Variants in IGSF3 observed in about 807,000 individuals in gnomAD.
IGSF3 encodes glu-Trp-Ile EWI motif-containing protein 3.
A neutral mutation model predicts 114.4 loss-of-function variants in IGSF3; 23 were observed. That is an observed-to-expected ratio of 0.20 (90% CI 0.14 to 0.28). The LOEUF is 0.28. IGSF3 is among the 10% of genes least tolerant of loss of function. The pLI, the probability that IGSF3 is intolerant of heterozygous loss-of-function variation, is 1.00. For synonymous variants in IGSF3, 571 were observed against 645.2 expected (o/e 0.88, Z 1.74); for missense variants, 1,172 against 1,591.5 (o/e 0.74, Z 4.48).
chr1:116,629,279 GTAAAGA>G lies in IGSF3; in HGVS notation c.44-12828_44-12823del. ...TATAAAAGGATTTGAAAGTATTTTC[GTAAAGA>G]TAAACACCCACACACCTCTATATAT... On this transcript the variant is annotated intron_variant, in intron 2 of 10. Transcript: ENST00000369486. This position sits in a 1 kb window ranked among gnomAD's most constrained non-coding sequence, Gnocchi z 4.3. 6.6e-6 allele frequency among the ~76,000 whole-genome samples: 1 copy of G among 152,294 alleles called. No individual in the cohort carries two copies. The highest frequency in any genetic ancestry group is 3.4e-3 in the Middle Eastern group (1 of 294).
In IGSF3 at chr1:116,610,130, T is replaced by C. The variant is rs926074819; in HGVS notation, c.833-1799A>G. On this transcript the variant is annotated intron_variant, in intron 4 of 10. Coordinates refer to ENST00000369486, the MANE Select transcript of IGSF3 (RefSeq NM_001007237.3). This position sits in a 1 kb window ranked among gnomAD's most constrained non-coding sequence, Gnocchi z 4.3. ...TTCACTCTGCCACCATCTGCCTGGA[T>C]GAACACACCCATATGGGACAGTCCC... 6.6e-6 allele frequency among the ~76,000 whole-genome samples: 1 copy of C among 152,232 alleles called. No individual in the cohort carries two copies. The highest frequency in any genetic ancestry group is 6.5e-5 in the Admixed American group (1 of 15,292).
rs369465102 is a variant in IGSF3, at chr1:116,603,837, G to A, written c.1411C>T (p.Pro471Ser). Residue 471 changes from proline to serine, a missense_variant, in exon 6 of 11, where the codon CCA becomes TCA. By Grantham distance (74) the Pro-to-Ser change is moderately conservative. Transcript: ENST00000369486. The surrounding 1 kb of genome is among the most constrained non-coding windows in gnomAD (Gnocchi z 7.1). ...MWLDRDGTVQPGSSYWERSSF... is the reference protein window; with the variant it reads ...MWLDRDGTVQSGSSYWERSSF... ...CTGCGCTCCCAGTAGGACGAGCCTG[G>A]CTGCACGGTGCCATCCCGGTCTAGC... is the stretch of plus-strand genomic sequence containing the variant. 117 of 1,613,914 alleles carry A rather than the reference G, an allele frequency of 7.2e-5. No homozygotes were observed. The highest frequency in any genetic ancestry group is 9.1e-5 in the Non-Finnish European group (107 of 1,179,894).
rs1037973143 is a variant in IGSF3 at position 116,584,461 on chromosome 1, G to A, written c.2848+184C>T. ...ATCACCTTAGGCCAAAGCCAGACGTGCAATTTTCCATTCACAAGAAAAAAA... is the reference window on the plus strand; with the variant it reads ...ATCACCTTAGGCCAAAGCCAGACGTACAATTTTCCATTCACAAGAAAAAAA... On this transcript the variant is annotated intron_variant, in intron 9 of 10. Coordinates refer to ENST00000369486, the MANE Select transcript of IGSF3 (RefSeq NM_001007237.3). This position sits in a 1 kb window ranked among gnomAD's most constrained non-coding sequence, Gnocchi z 5.8. The A allele has an allele frequency of 3.3e-5, 20 of 610,490 alleles. No individual in the cohort carries two copies. Among genetic ancestry groups the A allele is most frequent in the Non-Finnish European group, 5.7e-5 (20 of 348,854 alleles). 37.8% of individuals were successfully genotyped at this position (610,490 alleles called of 1,614,324 possible). A position where few individuals can be genotyped will look rare whatever the true frequency, so the allele number is the denominator to read the frequency against.
chr1:116,597,207 C>T (rs865834523), intron 7 of IGSF3, among the ~76,000 whole-genome samples: 1 of 152,276 alleles, frequency 6.6e-6, no homozygotes, highest in Middle Eastern at 3.4e-3. Flanking sequence ...AATGGGAAAG[C>T]AATATGTTCC....
At chr1:116,641,854 T>A (rs1185694586) in intron 2 of IGSF3, among the ~76,000 whole-genome samples, 2 of 139,534 alleles carry the variant, frequency 1.4e-5, no homozygotes, top group Non-Finnish European at 3.0e-5. Context: ...ATTTCTTTCT[T>A]TTTTTTTTTT....
rs1336323785 is a variant in IGSF3, at chr1:116,665,047, A to T, written c.43+1237T>A. Among the ~76,000 whole-genome samples, 1 of 152,230 alleles carries T rather than the reference A, an allele frequency of 6.6e-6. No homozygotes were observed. The highest frequency in any genetic ancestry group is 1.5e-5 in the Non-Finnish European group (1 of 68,042). On this transcript the variant is annotated intron_variant, in intron 2 of 10. Coordinates refer to ENST00000369486, the MANE Select transcript of IGSF3 (RefSeq NM_001007237.3). This position sits in a 1 kb window ranked among gnomAD's most constrained non-coding sequence, Gnocchi z 4.0. ...CTATTATGAGTTTCAGACATTATTT[A>T]AGGCAGTCAAGGCATTTAGGACACC...
At chr1:116,601,207 G>A (rs867655942) in intron 6 of IGSF3, among the ~76,000 whole-genome samples, 5 of 152,196 alleles carry the variant, frequency 3.3e-5, no homozygotes, top group Non-Finnish European at 5.9e-5. Context: ...TCTTCCTGCA[G>A]ATGTAGAAAC....
intron 9 of IGSF3, among the ~76,000 whole-genome samples, chr1:116,581,915 C>T (rs993702180): frequency 1.4e-4 from 21 of 152,152 alleles, no homozygotes; most frequent in Admixed American, 1.0e-3. Context: ...AGTATCCCCA[C>T]GCTCCTGGTG....
chr1:116,654,848 T>C lies in IGSF3; in HGVS notation c.43+11436A>G, dbSNP rs1648781843. 6.6e-6 allele frequency among the ~76,000 whole-genome samples: 1 copy of C among 152,104 alleles called. No individual in the cohort carries two copies. The highest frequency in any genetic ancestry group is 6.6e-5 in the Admixed American group (1 of 15,262). ...TTTGTGTATTTTCAAGAATAAAAGT[T>C]TGCCCTTTAGCCTCCTCAGAGCCCC... On this transcript the variant is annotated intron_variant, in intron 2 of 10. Transcript: ENST00000369486. This position sits in a 1 kb window ranked among gnomAD's most constrained non-coding sequence, Gnocchi z 4.4.
chr1:116,577,992 C>T lies in IGSF3; in HGVS notation c.3335-430G>A, dbSNP rs1017924590. The stretch of plus-strand genomic sequence containing the variant: ...TCTGGGATTATGACACAATCCCTTC[C>T]TGCCAGCTTCTGAGAGCAGTTTTAC... On this transcript the variant is annotated intron_variant, in intron 10 of 10. Coordinates refer to ENST00000369486, the MANE Select transcript of IGSF3 (RefSeq NM_001007237.3). The surrounding 1 kb of genome is among the most constrained non-coding windows in gnomAD (Gnocchi z 5.7). 1.3e-5 allele frequency among the ~76,000 whole-genome samples: 2 copies of T among 152,180 alleles called. No homozygotes were observed. The highest frequency in any genetic ancestry group is 6.5e-5 in the Admixed American group (1 of 15,288).
In IGSF3 at chr1:116,647,720, G is replaced by A. The variant is rs1351280115; in HGVS notation, c.43+18564C>T. 4.6e-5 allele frequency among the ~76,000 whole-genome samples: 7 copies of A among 152,198 alleles called. No homozygotes were observed. The highest frequency in any genetic ancestry group is 1.2e-4 in the African/African-American group (5 of 41,430). ...GATGACCGGAACAAGACAAACAAAC[G>A]AAAGGCCGACTGACAGACCACTCGG... On this transcript the variant is annotated intron_variant, in intron 2 of 10. Transcript: ENST00000369486. This position sits in a 1 kb window ranked among gnomAD's most constrained non-coding sequence, Gnocchi z 4.6.
intron 2 of IGSF3, among the ~76,000 whole-genome samples, chr1:116,640,832 C>T (rs34640603): frequency 0.12 from 18,495 of 152,200 alleles, 1,179 homozygotes; most frequent in Middle Eastern, 0.14. Flanking sequence ...TTTACATTGC[C>T]AAGATCAATG....
In IGSF3 at chr1:116,580,531, TAAG is replaced by T. The variant is rs571229739; in HGVS notation, c.2849-657_2849-655del. On this transcript the variant is annotated intron_variant, in intron 9 of 10. Coordinates refer to ENST00000369486, the MANE Select transcript of IGSF3 (RefSeq NM_001007237.3). ...CTAATCCAGTAAGATTGGTGTCTTA[TAAG>T]AAGAAGAAGAGAGATCTCTCTCCAG... is the stretch of plus-strand genomic sequence containing the variant. Among the ~76,000 whole-genome samples, 23 of 152,294 alleles carry T rather than the reference TAAG, an allele frequency of 1.5e-4. 1 individual carries two copies. Among genetic ancestry groups the T allele is most frequent in the South Asian group, 8.3e-4 (4 of 4,822 alleles).
chr1:116,623,110 C>T (rs1265510726), intron 2 of IGSF3, among the ~76,000 whole-genome samples: 1 of 152,230 alleles, frequency 6.6e-6, no homozygotes, highest in Non-Finnish European at 1.5e-5. Context: ...TACCTGTCAG[C>T]CTTCGGCCAA....
In IGSF3 at chr1:116,593,756, ACTGCCCACGG is replaced by A. The variant is rs1386657979; in HGVS notation, c.2030-4662_2030-4653del. Among the ~76,000 whole-genome samples the A allele has an allele frequency of 4.6e-5, 7 of 152,292 alleles. No homozygotes were observed. The highest frequency in any genetic ancestry group is 8.8e-5 in the Non-Finnish European group (6 of 68,020). ...CCCTAAATGGCAAATGGGGCATGCT[ACTGCCCACGG>A]CTGCCCACCCCACAGCCCGTGACAG... On this transcript the variant is annotated intron_variant, in intron 7 of 10. Transcript: ENST00000369486. The surrounding 1 kb of genome is among the most constrained non-coding windows in gnomAD (Gnocchi z 4.5).
At position 116,661,855 on chromosome 1, in the gene IGSF3, A is replaced by G. The variant is rs189830077; in HGVS notation, c.43+4429T>C. On this transcript the variant is annotated intron_variant, in intron 2 of 10. Coordinates refer to ENST00000369486, the MANE Select transcript of IGSF3 (RefSeq NM_001007237.3). This position sits in a 1 kb window ranked among gnomAD's most constrained non-coding sequence, Gnocchi z 4.0. Reference sequence around the variant, plus strand: ...TGGTCACATGACTAGGTTCTAGCCAATGAGAATGTTAGTGGAAGTGATGTA... The same window carrying G: ...TGGTCACATGACTAGGTTCTAGCCAGTGAGAATGTTAGTGGAAGTGATGTA... 6.6e-6 allele frequency among the ~76,000 whole-genome samples: 1 copy of G among 152,314 alleles called. No individual in the cohort carries two copies. Among genetic ancestry groups the G allele is most frequent in the East Asian group, 1.9e-4 (1 of 5,180 alleles).
At chr1:116,653,409 C>G (rs1648717605) in intron 2 of IGSF3, among the ~76,000 whole-genome samples, 1 of 152,310 alleles carries the variant, frequency 6.6e-6, no homozygotes, top group South Asian at 2.1e-4. Flanking sequence ...TCAAGGCTCT[C>G]TCAGTTACTT....
Position 116,633,068 on chromosome 1 carries a change from GAC to G in IGSF3, c.44-16613_44-16612del, listed in dbSNP as rs1647666590. Among the ~76,000 whole-genome samples the G allele has an allele frequency of 6.6e-6, 1 of 152,236 alleles. No homozygotes were observed. The highest frequency in any genetic ancestry group is 1.5e-5 in the Non-Finnish European group (1 of 68,042). On this transcript the variant is annotated intron_variant, in intron 2 of 10. Coordinates refer to ENST00000369486, the MANE Select transcript of IGSF3 (RefSeq NM_001007237.3). The surrounding 1 kb of genome is among the most constrained non-coding windows in gnomAD (Gnocchi z 4.3). Reference sequence around the variant, plus strand: ...ATAGACCAATGCTGCACGCTGCAGAGACACAGTCTTTGGGTTCTGTGAGCTGT... The same window carrying G: ...ATAGACCAATGCTGCACGCTGCAGAGACAGTCTTTGGGTTCTGTGAGCTGT...
rs1298516015 is a variant in IGSF3, at chr1:116,624,191, G to A, written c.44-7734C>T. On this transcript the variant is annotated intron_variant, in intron 2 of 10. Coordinates refer to ENST00000369486, the MANE Select transcript of IGSF3 (RefSeq NM_001007237.3). This position sits in a 1 kb window ranked among gnomAD's most constrained non-coding sequence, Gnocchi z 4.9. Reference sequence around the variant, plus strand: ...TGCACTCCAGCCTGGGTGACAGAGCGAGATCTTGTCTCAAAAAAAAAAAAA... The same window carrying A: ...TGCACTCCAGCCTGGGTGACAGAGCAAGATCTTGTCTCAAAAAAAAAAAAA... Among the ~76,000 whole-genome samples, 5 of 150,606 alleles carry A rather than the reference G, an allele frequency of 3.3e-5. No individual in the cohort carries two copies. Among genetic ancestry groups the A allele is most frequent in the Non-Finnish European group, 5.9e-5 (4 of 67,800 alleles).
Sources: allele counts gnomAD v4.1 joint callset (sites outside exome capture counted in the v4.1 genomes callset), GRCh38; gene constraint gnomAD v4.1.1; non-coding constraint Gnocchi (gnomAD v3.1); transcripts MANE v1.5; gene names NCBI Gene and HGNC (gene_info 2026-07-23, HGNC 2026-07-21).